CCDC33: variants seen among roughly 807,000 people sequenced by gnomAD.
CCDC33 encodes coiled-coil domain-containing protein 33.
Under a neutral mutation model 91.9 loss-of-function variants are expected in CCDC33, and 94 were observed. That is an observed-to-expected ratio of 1.02 (90% CI 0.87 to 1.21). The LOEUF (loss-of-function observed/expected upper bound fraction) is 1.21. Among genes scored for constraint, CCDC33 ranks in the 50% most tolerant of loss-of-function variants. The pLI is 0.00. For missense variants in CCDC33, 940 were observed against 935.5 expected (o/e 1.00, Z -0.06); for synonymous variants, 396 against 374.5 (o/e 1.06, Z -0.66).
Position 74,268,505 on chromosome 15 carries a change from G to A in CCDC33, c.546+47G>A, listed in dbSNP as rs751695493. ...GGGGTGGTGGTGGGGGTGGGAAAGGGCCAAGCTTTGAGCAGGCCCCACGCC... is the reference window on the plus strand; with the variant it reads ...GGGGTGGTGGTGGGGGTGGGAAAGGACCAAGCTTTGAGCAGGCCCCACGCC... On this transcript the variant is annotated intron_variant, in intron 5 of 18. Coordinates refer to ENST00000398814, the MANE Select transcript of CCDC33 (RefSeq NM_025055.5). The A allele has an allele frequency of 4.2e-6, 6 of 1,415,844 alleles. 1 individual carries two copies. Among genetic ancestry groups the A allele is most frequent in the Admixed American group, 1.7e-5 (1 of 59,272 alleles). 87.7% of individuals were successfully genotyped at this position (1,415,844 alleles called of 1,614,324 possible).
intron 10 of CCDC33, among the ~76,000 whole-genome samples, chr15:74,282,258 G>C (rs2059383300): frequency 6.6e-6 from 1 of 152,170 alleles, no homozygotes; most frequent in Non-Finnish European, 1.5e-5. Context: ...ATGTTGGCAG[G>C]GTCACATTCC....
chr15:74,220,214 G>A (rs2074554295), intron 2 of CCDC33, among the ~76,000 whole-genome samples: 1 of 152,272 alleles, frequency 6.6e-6, no homozygotes, highest in African/African-American at 2.4e-5. Context: ...GACCAAGGAC[G>A]CAGGGACCCA....
chr15:74,286,631 C>T (rs1173100011), intron 10 of CCDC33, among the ~76,000 whole-genome samples: 3 of 152,094 alleles, frequency 2.0e-5, no homozygotes, highest in East Asian at 1.9e-4. Flanking sequence ...AAGTTCATGC[C>T]GTCATCTGGG....
chr15:74,333,036 T>C, intron 16 of CCDC33, 191 bp downstream of exon 16: 1 of 764,846 alleles, frequency 1.3e-6, no homozygotes, highest in South Asian at 1.8e-5. Context: ...CCCCGAACAC[T>C]TCACCTTTAA....
chr15:74,268,241 C>G lies in CCDC33; in HGVS notation c.430-101C>G, dbSNP rs1037982593. On this transcript the variant is annotated intron_variant, in intron 4 of 18. Coordinates refer to ENST00000398814, the MANE Select transcript of CCDC33 (RefSeq NM_025055.5). ...TTATCAGCTCGGAGCCCCAGCGGAGCAATGCCAAGTGATTGTCTGCAGAGG... is the reference window on the plus strand; with the variant it reads ...TTATCAGCTCGGAGCCCCAGCGGAGGAATGCCAAGTGATTGTCTGCAGAGG... 4.9e-6 allele frequency: 4 copies of G among 820,844 alleles called. No homozygotes were observed. The Admixed American group carries it at 6.9e-5, about 14-fold the overall frequency. 50.8% of individuals were successfully genotyped at this position (820,844 alleles called of 1,614,324 possible).
chr15:74,216,271 G>T (rs964886182), upstream of CCDC33, among the ~76,000 whole-genome samples: 2 of 151,876 alleles, frequency 1.3e-5, no homozygotes, highest in Non-Finnish European at 2.9e-5. Context: ...CCCCAAAATG[G>T]CCATACTGTG....
At chr15:74,223,723 TACACACACACACAC>T (rs55820464) in intron 2 of CCDC33, among the ~76,000 whole-genome samples, 19 of 112,266 alleles carry the variant, frequency 1.7e-4, no homozygotes, top group East Asian at 1.2e-3. Flanking sequence ...ACCGCCAGCA[TACACACACACACAC>T]ACACACACAC....
At chr15:74,207,447 T>C (rs1255592152) in intron 1 of CCDC33, among the ~76,000 whole-genome samples, 2 of 152,094 alleles carry the variant, frequency 1.3e-5, no homozygotes, top group African/African-American at 4.8e-5. Context: ...ACTCAAACTC[T>C]GGCAAACTCA....
At chr15:74,256,936 G>A (rs1331103911) in intron 2 of CCDC33, among the ~76,000 whole-genome samples, 1 of 152,166 alleles carries the variant, frequency 6.6e-6, no homozygotes, top group Non-Finnish European at 1.5e-5. Flanking sequence ...CAGCATCCTT[G>A]TTTGACAGGA....
chr15:74,255,738 C>T (rs1428702627), intron 2 of CCDC33, among the ~76,000 whole-genome samples: 1 of 152,248 alleles, frequency 6.6e-6, no homozygotes, highest in South Asian at 2.1e-4. Context: ...GCTCAGTGCC[C>T]CCTGGGCCTG....
At chr15:74,292,980 A>C (rs1056077612) in intron 10 of CCDC33, among the ~76,000 whole-genome samples, 2 of 152,132 alleles carry the variant, frequency 1.3e-5, no homozygotes, top group African/African-American at 2.4e-5. Context: ...TGGATTATAC[A>C]TGGTAAATTT....
At chr15:74,243,583 CAGAG>C in intron 1 of CCDC33, 20 of 454,224 alleles carry the variant, frequency 4.4e-5, no homozygotes, top group South Asian at 3.1e-4. Context: ...GGAAGGGTGA[CAGAG>C]GGAGGCAGGC....
chr15:74,297,858 G>A (rs2059718578), intron 11 of CCDC33, among the ~76,000 whole-genome samples: 1 of 152,200 alleles, frequency 6.6e-6, no homozygotes, highest in Admixed American at 6.5e-5. Flanking sequence ...CTGCCCCGGA[G>A]GGGCCAACCA....
chr15:74,254,096 G>C (rs1187731320), intron 2 of CCDC33, among the ~76,000 whole-genome samples: 2 of 152,014 alleles, frequency 1.3e-5, no homozygotes, highest in Non-Finnish European at 2.9e-5. Flanking sequence ...GCAGTGGTGT[G>C]ATCTCAGCTC....
chr15:74,224,501 G>C (rs892128931), intron 2 of CCDC33, among the ~76,000 whole-genome samples: 1 of 152,178 alleles, frequency 6.6e-6, no homozygotes, highest in Non-Finnish European at 1.5e-5. Context: ...TCCTAACAGG[G>C]TCTGTGCCTG....
At chr15:74,270,831 C>T (rs2076294055) in intron 5 of CCDC33, among the ~76,000 whole-genome samples, 1 of 152,150 alleles carries the variant, frequency 6.6e-6, no homozygotes, top group African/African-American at 2.4e-5. Flanking sequence ...GCTGTCCACT[C>T]CTGCTTTGTA....
chr15:74,311,810 G>A (rs1474889699), intron 11 of CCDC33: 2 of 152,172 alleles, frequency 1.3e-5, no homozygotes, highest in African/African-American at 4.8e-5. Context: ...AAGGGAGTTT[G>A]GTCATTTTTG....
intron 1 of CCDC33, among the ~76,000 whole-genome samples, chr15:74,243,277 C>T (rs1381865253): frequency 1.3e-5 from 2 of 152,226 alleles, no homozygotes; most frequent in Non-Finnish European, 2.9e-5. Flanking sequence ...CTGTAAAGTG[C>T]TGTGCACAGG....
At chr15:74,205,803 C>T (rs574705874) in intron 1 of CCDC33, among the ~76,000 whole-genome samples, 2 of 152,346 alleles carry the variant, frequency 1.3e-5, no homozygotes, top group East Asian at 3.9e-4. Flanking sequence ...CATGGGAAGA[C>T]ACAGAGGCCA....
Sources: allele counts gnomAD v4.1 joint callset (sites outside exome capture counted in the v4.1 genomes callset), GRCh38; gene constraint gnomAD v4.1.1; transcripts MANE v1.5; gene names NCBI Gene and HGNC (gene_info 2026-07-23, HGNC 2026-07-21).